CNTNAP2: variants seen among roughly 807,000 people sequenced by gnomAD.
CNTNAP2 encodes the protein contactin-associated protein-like 2.
Under a neutral mutation model 155.2 loss-of-function variants are expected in CNTNAP2, and 98 were observed. The ratio of observed to expected loss-of-function variants is 0.63; its 90% confidence interval spans 0.54 to 0.75. CNTNAP2 has a LOEUF of 0.75. CNTNAP2 is among the 30% of genes least tolerant of loss of function. The probability of loss-of-function intolerance (pLI) is 0.00; values close to 1 mark genes in which losing one functional copy is unlikely to be tolerated. For missense variants in CNTNAP2, 1,727 were observed against 1,688.1 expected (o/e 1.02, Z -0.40); for synonymous variants, 651 against 631.2 (o/e 1.03, Z -0.47).
At chr7:146,630,328 G>A (rs1471401247) in intron 1 of CNTNAP2, among the ~76,000 whole-genome samples, 1 of 152,050 alleles carries the variant, frequency 6.6e-6, no homozygotes, top group Non-Finnish European at 1.5e-5. Context: ...CTTTTTTACG[G>A]CTGCATAGTA....
At chr7:147,948,568 T>G (rs1370971369) in intron 14 of CNTNAP2, among the ~76,000 whole-genome samples, 1 of 149,820 alleles carries the variant, frequency 6.7e-6, no homozygotes, top group Non-Finnish European at 1.5e-5. Flanking sequence ...ATATATCATA[T>G]GATTATCACC....
intron 3 of CNTNAP2, among the ~76,000 whole-genome samples, chr7:146,850,424 A>C (rs1794856586): frequency 6.6e-6 from 1 of 152,204 alleles, no homozygotes; most frequent in African/African-American, 2.4e-5. Context: ...TAGCAGAGAA[A>C]TTCAGAAAAC....
intron 10 of CNTNAP2, among the ~76,000 whole-genome samples, chr7:147,399,611 G>T (rs1402349233): frequency 6.6e-6 from 1 of 152,152 alleles, no homozygotes; most frequent in Non-Finnish European, 1.5e-5. Flanking sequence ...AGTCAAAGGG[G>T]CTAAAGAAAA....
At chr7:146,937,114 G>A (rs919480344) in intron 3 of CNTNAP2, among the ~76,000 whole-genome samples, 8 of 151,984 alleles carry the variant, frequency 5.3e-5, no homozygotes, top group Non-Finnish European at 7.4e-5. Context: ...CCGGCCGGGC[G>A]CAGTGGCTCA....
At chr7:146,911,975 A>G (rs1177846789) in intron 3 of CNTNAP2, among the ~76,000 whole-genome samples, 1 of 152,150 alleles carries the variant, frequency 6.6e-6, no homozygotes, top group African/African-American at 2.4e-5. Context: ...TCCTTTGATT[A>G]AGAGGCATTT....
At chr7:147,006,591 A>G (rs1467572061) in intron 3 of CNTNAP2, among the ~76,000 whole-genome samples, 1 of 152,046 alleles carries the variant, frequency 6.6e-6, no homozygotes, top group Non-Finnish European at 1.5e-5. Flanking sequence ...TCAGAAAAAA[A>G]GAAGATTCCT....
At chr7:147,586,875 A>G (rs780313532) in intron 12 of CNTNAP2, among the ~76,000 whole-genome samples, 5 of 152,138 alleles carry the variant, frequency 3.3e-5, no homozygotes, top group Admixed American at 6.5e-5. Context: ...CTGGCAACAG[A>G]GTCTACCACT....
intron 13 of CNTNAP2, among the ~76,000 whole-genome samples, chr7:147,879,354 T>G (rs1799481024): frequency 6.6e-6 from 1 of 152,152 alleles, no homozygotes; most frequent in African/African-American, 2.4e-5. Context: ...AGGAGCAAAA[T>G]GAAGTTGTCA....
At chr7:147,488,556 A>T (rs1528508) in intron 11 of CNTNAP2, among the ~76,000 whole-genome samples, 27,579 of 82,876 alleles carry the variant, frequency 0.33, 2,817 homozygotes, top group Non-Finnish European at 0.38. Context: ...ATTTTTTTTT[A>T]AAAAAAGCAG....
chr7:146,300,469 A>G (rs1800588368), intron 1 of CNTNAP2, among the ~76,000 whole-genome samples: 1 of 152,102 alleles, frequency 6.6e-6, no homozygotes, highest in African/African-American at 2.4e-5. Context: ...TAATTTTGAG[A>G]GTTCCACTAC....
At chr7:147,547,648 C>CACA (rs1554404038) in intron 11 of CNTNAP2, among the ~76,000 whole-genome samples, 17 of 151,888 alleles carry the variant, frequency 1.1e-4, no homozygotes, top group African/African-American at 1.7e-4. Context: ...CACACACACA[C>CACA]ACAACAACAA....
At chr7:148,185,283 GTCATGGAATTGGCATGA>G (rs1795099048) in intron 18 of CNTNAP2, among the ~76,000 whole-genome samples, 1 of 152,186 alleles carries the variant, frequency 6.6e-6, no homozygotes, top group Non-Finnish European at 1.5e-5. Flanking sequence ...TCCTGTCTCT[GTCATGGAATTGGCATGA>G]GTCATTTGGC....
rs71188973 is a variant in CNTNAP2 at position 148,346,773 on chromosome 7, TA to T, written c.3476-36851del. On this transcript the variant is annotated intron_variant, in intron 21 of 23. Coordinates refer to ENST00000361727, the MANE Select transcript of CNTNAP2 (RefSeq NM_014141.6). The stretch of plus-strand genomic sequence containing the variant: ...GGCAACAAGAGTGAAACTCCATCTT[TA>T]AAAAAAAAAAAAAAAAAAAAAAAAT... Among the ~76,000 whole-genome samples, 374 of 147,052 alleles carry T rather than the reference TA, an allele frequency of 2.5e-3. 2 individuals are homozygous for T. The highest frequency in any genetic ancestry group is 8.9e-3 in the African/African-American group (352 of 39,376).
chr7:148,121,998 G>A (rs982026966), intron 16 of CNTNAP2, among the ~76,000 whole-genome samples: 5 of 152,132 alleles, frequency 3.3e-5, no homozygotes, highest in African/African-American at 1.2e-4. Context: ...GTTTTAGAAA[G>A]CAGGCAAGTA....
chr7:148,265,183 T>C (rs1271797411), intron 20 of CNTNAP2, among the ~76,000 whole-genome samples: 1 of 152,240 alleles, frequency 6.6e-6, no homozygotes, highest in Admixed American at 6.5e-5. Flanking sequence ...TAGCTAATAT[T>C]TAAGAGCAGA....
intron 3 of CNTNAP2, among the ~76,000 whole-genome samples, chr7:146,904,727 T>C (rs1178486349): frequency 6.6e-6 from 1 of 152,132 alleles, no homozygotes; most frequent in Non-Finnish European, 1.5e-5. Context: ...CACCTCGGCC[T>C]CCCAAAGTGC....
chr7:146,198,202 T>C (rs1181490147), intron 1 of CNTNAP2, among the ~76,000 whole-genome samples: 3 of 152,144 alleles, frequency 2.0e-5, no homozygotes, highest in Non-Finnish European at 4.4e-5. Flanking sequence ...CTATCACTAA[T>C]ATTCCTGCTT....
At chr7:147,483,990 G>T (rs1006014934) in intron 10 of CNTNAP2, among the ~76,000 whole-genome samples, 3 of 130,428 alleles carry the variant, frequency 2.3e-5, no homozygotes, top group African/African-American at 8.9e-5. Context: ...TTCTTTTCAG[G>T]CCCGGGTGAA....
At chr7:146,266,849 C>T (rs1800001612) in intron 1 of CNTNAP2, among the ~76,000 whole-genome samples, 1 of 150,738 alleles carries the variant, frequency 6.6e-6, no homozygotes, top group Non-Finnish European at 1.5e-5. Context: ...GCAACACACC[C>T]ACAGCACACT....
Sources: gnomAD v4.1 joint callset for allele counts (sites outside exome capture counted in the v4.1 genomes callset) on GRCh38, gnomAD v4.1.1 for gene constraint, MANE v1.5 for transcripts, NCBI Gene and HGNC (gene_info 2026-07-23, HGNC 2026-07-21) for gene names.